CTDSPL2: variants seen among roughly 807,000 people sequenced by gnomAD.
The protein encoded by CTDSPL2 is CTD small phosphatase like 2, also known as CTD small phosphatase-like protein 2.
CTDSPL2 carries 5 observed loss-of-function variants against 60.0 expected under a neutral mutation model. That is an observed-to-expected ratio of 0.08 (90% CI 0.04 to 0.18). The LOEUF is 0.18. CTDSPL2 is among the 10% of genes least tolerant of loss of function. The pLI is 1.00. For synonymous variants in CTDSPL2, 186 were observed against 189.3 expected (o/e 0.98, Z 0.14); for missense variants, 370 against 548.8 (o/e 0.67, Z 3.26).
intron 8 of CTDSPL2, among the ~76,000 whole-genome samples, chr15:44,511,169 A>G (rs564385834): frequency 3.9e-5 from 6 of 152,232 alleles, no homozygotes; most frequent in Admixed American, 2.0e-4. Context: ...AGGAACTATT[A>G]TTTTCAACAG....
intron 7 of CTDSPL2, among the ~76,000 whole-genome samples, chr15:44,499,013 A>T (rs1230094014): frequency 1.3e-5 from 2 of 152,182 alleles, no homozygotes; most frequent in East Asian, 3.8e-4. Context: ...CTGATTGTAA[A>T]AAAGTAGCAT....
intron 8 of CTDSPL2, among the ~76,000 whole-genome samples, chr15:44,514,388 A>G (rs910219901): frequency 6.6e-6 from 1 of 152,228 alleles, no homozygotes; most frequent in African/African-American, 2.4e-5. Flanking sequence ...CTTGATCATC[A>G]GTGATTATTA....
At chr15:44,521,937 C>A (rs368513137) in intron 12 of CTDSPL2, among the ~76,000 whole-genome samples, 19 of 60,774 alleles carry the variant, frequency 3.1e-4, no homozygotes, top group African/African-American at 9.2e-4. Flanking sequence ...GACTCCGTCT[C>A]AAAAAAAAAA....
At chr15:44,501,765 CAG>C (rs1353470341) in intron 8 of CTDSPL2, among the ~76,000 whole-genome samples, 1 of 152,152 alleles carries the variant, frequency 6.6e-6, no homozygotes, top group Non-Finnish European at 1.5e-5. Flanking sequence ...ATATCACAGA[CAG>C]AGTTTAGTTA....
At chr15:44,453,053 TTA>T (rs1184883880) in intron 1 of CTDSPL2, among the ~76,000 whole-genome samples, 1 of 152,164 alleles carries the variant, frequency 6.6e-6, no homozygotes, top group Non-Finnish European at 1.5e-5. Flanking sequence ...AGTTTTTTCT[TTA>T]TGATTATTCT....
intron 8 of CTDSPL2, among the ~76,000 whole-genome samples, chr15:44,511,882 A>G (rs949203434): frequency 3.3e-5 from 5 of 151,350 alleles, no homozygotes; most frequent in Non-Finnish European, 5.9e-5. Flanking sequence ...AAAAAAAAAA[A>G]AAAAAAAAAA....
chr15:44,448,368 A>G (rs1357010984), intron 1 of CTDSPL2: 2 of 244,126 alleles, frequency 8.2e-6, no homozygotes. Context: ...CCATGACCAG[A>G]CCCATGTGCT....
At chr15:44,478,697 T>A (rs1158189755) in intron 2 of CTDSPL2, among the ~76,000 whole-genome samples, 1 of 152,084 alleles carries the variant, frequency 6.6e-6, no homozygotes, top group Non-Finnish European at 1.5e-5. Flanking sequence ...TGTCTTGGAT[T>A]GACCTGGGGC....
intron 2 of CTDSPL2, among the ~76,000 whole-genome samples, chr15:44,465,703 C>A (rs1567075295): frequency 6.7e-6 from 1 of 148,962 alleles, no homozygotes; most frequent in Non-Finnish European, 1.5e-5. Flanking sequence ...TGGGAATTTT[C>A]CTCCTCCTCT....
Position 44,519,302 on chromosome 15 carries a change from A to G in CTDSPL2, c.1239+7A>G, listed in dbSNP as rs1304938954. 13 of 1,542,814 alleles carry G rather than the reference A, an allele frequency of 8.4e-6. No individual in the cohort carries two copies. Among genetic ancestry groups the G allele is most frequent in the African/African-American group, 1.4e-5 (1 of 70,294 alleles). Reference sequence around the variant, plus strand: ...ACAAGCCTTTGCATATCAGGTAGGAAGAAAGTTGATAAACAAACTCAGATT... The same window carrying G: ...ACAAGCCTTTGCATATCAGGTAGGAGGAAAGTTGATAAACAAACTCAGATT... On this transcript the variant is annotated splice_region_variant and intron_variant, in intron 11 of 12. Transcript: ENST00000260327.
At chr15:44,522,326 G>A (rs1293539695) in intron 12 of CTDSPL2, among the ~76,000 whole-genome samples, 1 of 152,100 alleles carries the variant, frequency 6.6e-6, no homozygotes, top group Admixed American at 6.6e-5. Context: ...GAGCCATCAT[G>A]CCCAACCACA....
At chr15:44,439,151 A>G (rs1167661958) in intron 1 of CTDSPL2, among the ~76,000 whole-genome samples, 1 of 146,886 alleles carries the variant, frequency 6.8e-6, no homozygotes, top group East Asian at 2.0e-4. Flanking sequence ...ATTGTTATTT[A>G]TTTATTTATT....
intron 2 of CTDSPL2, among the ~76,000 whole-genome samples, chr15:44,479,034 G>A (rs2080975433): frequency 6.7e-6 from 1 of 149,036 alleles, no homozygotes; most frequent in East Asian, 2.0e-4. Flanking sequence ...TTCTTCATTT[G>A]TTTTTATGTC....
chr15:44,481,243 C>CA (rs1486481683), intron 2 of CTDSPL2, among the ~76,000 whole-genome samples: 1 of 152,208 alleles, frequency 6.6e-6, no homozygotes, highest in African/African-American at 2.4e-5. Context: ...ATTTTACTGT[C>CA]AATGACTGCA....
chr15:44,513,979 CTG>C (rs1266025170), intron 8 of CTDSPL2, among the ~76,000 whole-genome samples: 2 of 152,128 alleles, frequency 1.3e-5, no homozygotes, highest in African/African-American at 2.4e-5. Context: ...TTGTGTTTGA[CTG>C]TTATAATTTT....
rs770456063 is a variant in CTDSPL2 at position 44,496,467 on chromosome 15, C to CT, written c.770+15dup. On this transcript the variant is annotated intron_variant, in intron 6 of 12. Coordinates refer to ENST00000260327, the MANE Select transcript of CTDSPL2 (RefSeq NM_016396.3). The stretch of plus-strand genomic sequence containing the variant: ...TGGGAAGTATTTGACCCGTGAGTTG[C>CT]TTTTTTCTCTTTTTTTCTTTCCTTT... 10 of 1,603,214 alleles carry CT rather than the reference C, an allele frequency of 6.2e-6. No individual in the cohort carries two copies. The highest frequency in any genetic ancestry group is 1.3e-5 in the African/African-American group (1 of 74,626).
chr15:44,514,949 GA>G, intron 10 of CTDSPL2, 105 bp downstream of exon 10: 3 of 655,594 alleles, frequency 4.6e-6, no homozygotes, highest in Non-Finnish European at 8.0e-6. Flanking sequence ...CATATGTGTT[GA>G]ATGGTGAATA....
chr15:44,478,875 G>T (rs2080972143), intron 2 of CTDSPL2, among the ~76,000 whole-genome samples: 1 of 152,082 alleles, frequency 6.6e-6, no homozygotes. Flanking sequence ...CCAGCTACTT[G>T]GGAGGCTGAG....
In CTDSPL2 at chr15:44,471,274, A is replaced by T. The variant is rs552341200; in HGVS notation, c.186+12074A>T. 9.2e-5 allele frequency among the ~76,000 whole-genome samples: 14 copies of T among 152,328 alleles called. No homozygotes were observed. The South Asian group carries it at 2.5e-3, about 27-fold the overall frequency. On this transcript the variant is annotated intron_variant, in intron 2 of 12. Transcript: ENST00000260327. ...TTTCTGTTTTTTGGCTATTATAAAT[A>T]AAGTTGTTAGGAATATTTGGATAAA...
Sources: gnomAD v4.1 joint callset for allele counts (sites outside exome capture counted in the v4.1 genomes callset) on GRCh38, gnomAD v4.1.1 for gene constraint, MANE v1.5 for transcripts, NCBI Gene and HGNC (gene_info 2026-07-23, HGNC 2026-07-21) for gene names.